The following ADGRA3 variants were observed in gnomAD, a reference collection of about 807,000 sequenced individuals.
ADGRA3 encodes the protein adhesion G protein-coupled receptor A3.
ADGRA3 carries 56 observed loss-of-function variants against 119.8 expected under a neutral mutation model. The observed-to-expected ratio is 0.47, with a 90% CI of 0.38 to 0.58. The LOEUF (loss-of-function observed/expected upper bound fraction) is 0.58, where lower values mean the gene tolerates loss of function less well. ADGRA3 is among the 20% of genes least tolerant of loss of function. The pLI, the probability that ADGRA3 is intolerant of heterozygous loss-of-function variation, is 0.00. For synonymous variants in ADGRA3, 607 were observed against 623.8 expected, an observed-to-expected ratio of 0.97 and a Z score of 0.40; for missense variants, 1,516 against 1,649.0, an observed-to-expected ratio of 0.92 and a Z score of 1.40.
chr4:22,397,454 A>G (rs1714410796), intron 16 of ADGRA3, among the ~76,000 whole-genome samples: 1 of 152,118 alleles, frequency 6.6e-6, no homozygotes, highest in Non-Finnish European at 1.5e-5. Flanking sequence ...TTCAACTACT[A>G]TAATTCTTAT....
At chr4:22,509,273 C>T (rs192573982) in intron 1 of ADGRA3, among the ~76,000 whole-genome samples, 468 of 151,980 alleles carry the variant, frequency 3.1e-3, no homozygotes, top group African/African-American at 0.01. Context: ...GAGGCCGAGG[C>T]GGGCAGATCA....
In ADGRA3 at chr4:22,387,834, T is replaced by C; in HGVS notation, c.3837A>G (p.Lys1279=). Residue 1279 remains lysine, a synonymous_variant, in exon 19 of 19, where the codon AAA becomes AAG. Coordinates refer to ENST00000334304, the MANE Select transcript of ADGRA3 (RefSeq NM_145290.4). ...GAATGGCCAAGTTGAGGCCATAAGATTTTTGCTGATTTTCAAGTTCAACCA... is the reference window on the plus strand; with the variant it reads ...GAATGGCCAAGTTGAGGCCATAAGACTTTTGCTGATTTTCAAGTTCAACCA... The part of the protein sequence containing the change: ...PAVVELENQQ[K]SYGLNLAIQN... 1 of 1,614,110 alleles carries C rather than the reference T, an allele frequency of 6.2e-7. No individual in the cohort carries two copies. The highest frequency in any genetic ancestry group is 1.1e-5 in the South Asian group (1 of 91,082).
intron 10 of ADGRA3, among the ~76,000 whole-genome samples, chr4:22,426,427 A>G (rs1317757744): frequency 1.3e-5 from 2 of 152,228 alleles, no homozygotes; most frequent in Non-Finnish European, 2.9e-5. Flanking sequence ...GCCAACAGTT[A>G]TCAATGTCCA....
At chr4:22,471,180 C>T (rs757471846) in intron 2 of ADGRA3, among the ~76,000 whole-genome samples, 3 of 152,104 alleles carry the variant, frequency 2.0e-5, no homozygotes, top group East Asian at 3.9e-4. Context: ...AAGAGCCCAG[C>T]CTTTATTATC....
At chr4:22,440,917 T>C (rs1716588075) in intron 7 of ADGRA3, among the ~76,000 whole-genome samples, 1 of 152,240 alleles carries the variant, frequency 6.6e-6, no homozygotes, top group African/African-American at 2.4e-5. Context: ...AAGGGAATTC[T>C]GCTTCTAGCA....
chr4:22,424,384 C>A, intron 10 of ADGRA3, 32 bp from the exon 11 acceptor site: 1 of 1,599,422 alleles, frequency 6.3e-7, no homozygotes, highest in Non-Finnish European at 8.5e-7. Flanking sequence ...AAAGAAAGAT[C>A]TTTAAAACCA....
In ADGRA3 at chr4:22,447,141, C is replaced by T. The variant is rs370509670; in HGVS notation, c.545+299G>A. ...TTTATACTTTGGAAATTTAATTAGT[C>T]AAACAAGGCAACATTTTATGATTTG... On this transcript the variant is annotated intron_variant, in intron 5 of 18. Transcript: ENST00000334304. Among the ~76,000 whole-genome samples the T allele has an allele frequency of 6.1e-4, 93 of 151,736 alleles. 2 individuals are homozygous for T. The South Asian group carries it at 0.019, about 30-fold the overall frequency.
chr4:22,391,387 C>T (rs1714130742), intron 17 of ADGRA3, among the ~76,000 whole-genome samples: 1 of 152,120 alleles, frequency 6.6e-6, no homozygotes, highest in Non-Finnish European at 1.5e-5. Flanking sequence ...TCAAGGCACG[C>T]TAGCTAGCTA....
In ADGRA3 at chr4:22,435,371, T is replaced by C. The variant is rs1716351692; in HGVS notation, c.1383A>G (p.Ile461Met). The C allele has an allele frequency of 6.2e-7, 1 of 1,613,498 alleles. No individual in the cohort carries two copies. The highest frequency in any genetic ancestry group is 8.5e-7 in the Non-Finnish European group (1 of 1,179,532). The change falls in exon 10 of 19, where the codon ATA becomes ATG. Residue 461 changes from isoleucine to methionine, a missense_variant. Coordinates refer to ENST00000334304, the MANE Select transcript of ADGRA3 (RefSeq NM_145290.4). Reference sequence around the variant, plus strand: ...ATTTTTCAATCATTTCTGCCACAAATATAACATCCATTTTGTCAGAAAAGT... The same window carrying C: ...ATTTTTCAATCATTTCTGCCACAAACATAACATCCATTTTGTCAGAAAAGT... ...AANFSDKMDV[I>M]FVAEMIEKFG...
chr4:22,421,881 C>CCAAAAAAAAAAAAA (rs767609157), intron 11 of ADGRA3, among the ~76,000 whole-genome samples: 6 of 70,438 alleles, frequency 8.5e-5, no homozygotes, highest in African/African-American at 3.2e-4. Flanking sequence ...ACTCAGTCTC[C>CCAAAAAAAAAAAAA]AAAAAAAAAA....
At chr4:22,422,585 A>AAAGG (rs1377616082) in intron 11 of ADGRA3, among the ~76,000 whole-genome samples, 1 of 151,798 alleles carries the variant, frequency 6.6e-6, no homozygotes, top group African/African-American at 2.4e-5. Context: ...TGGTTGAAAG[A>AAAGG]AATCTGTCAT....
chr4:22,397,175 C>CTTTTTTT (rs56918685), intron 16 of ADGRA3, among the ~76,000 whole-genome samples: 19 of 93,236 alleles, frequency 2.0e-4, no homozygotes, highest in East Asian at 3.1e-4. Flanking sequence ...TACTGTAATT[C>CTTTTTTT]TTTTTTTTTT....
chr4:22,407,508 T>C (rs1046410590), intron 14 of ADGRA3, among the ~76,000 whole-genome samples: 4 of 152,068 alleles, frequency 2.6e-5, no homozygotes, highest in African/African-American at 9.7e-5. Context: ...GTTGCTCACA[T>C]TTGCAACACA....
At chr4:22,394,719 T>C (rs1714280645) in intron 16 of ADGRA3, 1 of 152,088 alleles carries the variant, frequency 6.6e-6, no homozygotes, top group Non-Finnish European at 1.5e-5. Flanking sequence ...ATAGGAGGTG[T>C]CAAACAAAGA....
At chr4:22,443,365 T>C (rs1021461736) in intron 6 of ADGRA3, among the ~76,000 whole-genome samples, 3 of 152,190 alleles carry the variant, frequency 2.0e-5, no homozygotes, top group African/African-American at 7.2e-5. Context: ...TAATCAGTTT[T>C]TTCCTTTCAG....
At chr4:22,442,371 G>T (rs535730914) in intron 7 of ADGRA3, among the ~76,000 whole-genome samples, 1 of 152,002 alleles carries the variant, frequency 6.6e-6, no homozygotes, top group Non-Finnish European at 1.5e-5. Flanking sequence ...ATTAGGTTTA[G>T]CACTAAAAGT....
Position 22,419,271 on chromosome 4 carries a change from A to G in ADGRA3, c.1809+1615T>C, listed in dbSNP as rs180673977. On this transcript the variant is annotated intron_variant, in intron 12 of 18. Coordinates refer to ENST00000334304, the MANE Select transcript of ADGRA3 (RefSeq NM_145290.4). ...GATTAAAAAAAAAAAGGATGCAAAG[A>G]AAGAGCAAAAACTGCCCTAGTATAA... 6.2e-4 allele frequency among the ~76,000 whole-genome samples: 94 copies of G among 152,076 alleles called. 1 individual carries two copies. The East Asian group carries it at 0.014, about 23-fold the overall frequency.
At chr4:22,417,013 G>A (rs914565467) in intron 12 of ADGRA3, among the ~76,000 whole-genome samples, 6 of 152,096 alleles carry the variant, frequency 3.9e-5, no homozygotes, top group Admixed American at 3.3e-4. Flanking sequence ...AAATCAGAAT[G>A]AGCCAAAGAA....
At chr4:22,423,537 A>G (rs1208766510) in intron 11 of ADGRA3, among the ~76,000 whole-genome samples, 1 of 152,232 alleles carries the variant, frequency 6.6e-6, no homozygotes, top group East Asian at 1.9e-4. Flanking sequence ...TTTAGGACGA[A>G]AAAGTAAGCA....
Sources: gnomAD v4.1 joint callset for allele counts (sites outside exome capture counted in the v4.1 genomes callset) on GRCh38, gnomAD v4.1.1 for gene constraint, MANE v1.5 for transcripts, NCBI Gene and HGNC (gene_info 2026-07-23, HGNC 2026-07-21) for gene names.